Variants in SGCZ observed in about 807,000 individuals in gnomAD.
SGCZ encodes sarcoglycan zeta.
In SGCZ, 40 loss-of-function variants were observed where a neutral mutation model predicts 41.3. The ratio of observed to expected loss-of-function variants is 0.97; its 90% CI spans 0.75 to 1.26. The LOEUF is 1.26. Among genes scored for constraint, SGCZ ranks in the 50% most tolerant of loss-of-function variants. The pLI, the probability that SGCZ is intolerant of heterozygous loss-of-function variation, is 0.00. For missense variants in SGCZ, 552 were observed against 369.8 expected, an observed-to-expected ratio of 1.49 and a Z score of -4.04; for synonymous variants, 206 against 137.5, an observed-to-expected ratio of 1.50 and a Z score of -3.49.
intron 1 of SGCZ, among the ~76,000 whole-genome samples, chr8:15,209,533 G>A (rs1470055365): frequency 3.6e-5 from 2 of 54,934 alleles, no homozygotes; most frequent in East Asian, 4.9e-4. Context: ...AAATACCTAA[G>A]TATAAAAAGA....
chr8:14,586,073 G>A (rs1585101909), intron 1 of SGCZ, among the ~76,000 whole-genome samples: 1 of 152,152 alleles, frequency 6.6e-6, no homozygotes, highest in Non-Finnish European at 1.5e-5. Context: ...AAGGATAACG[G>A]ACTAGTTAAT....
intron 2 of SGCZ, among the ~76,000 whole-genome samples, chr8:14,543,604 C>T (rs942336741): frequency 6.6e-6 from 1 of 152,096 alleles, no homozygotes; most frequent in African/African-American, 2.4e-5. Flanking sequence ...TCAAGGCCAT[C>T]TTTAGGTTTG....
chr8:15,180,751 G>C (rs550510942), intron 1 of SGCZ, among the ~76,000 whole-genome samples: 2 of 141,104 alleles, frequency 1.4e-5, no homozygotes, highest in African/African-American at 4.9e-5. Flanking sequence ...GCCGGGCATG[G>C]TGGTGGGCGC....
chr8:14,679,190 A>G (rs1295612881), intron 1 of SGCZ, among the ~76,000 whole-genome samples: 1 of 152,160 alleles, frequency 6.6e-6, no homozygotes, highest in African/African-American at 2.4e-5. Flanking sequence ...ATAATACTTG[A>G]TAATGATAAA....
At chr8:14,814,789 G>C (rs1317464890) in intron 1 of SGCZ, among the ~76,000 whole-genome samples, 2 of 152,016 alleles carry the variant, frequency 1.3e-5, no homozygotes, top group African/African-American at 4.8e-5. Flanking sequence ...TCTTGAGCAA[G>C]GTATTATGAC....
chr8:14,310,203 A>G (rs566102243), intron 3 of SGCZ, among the ~76,000 whole-genome samples: 97 of 152,008 alleles, frequency 6.4e-4, no homozygotes, highest in African/African-American at 2.2e-3. Context: ...TTGTTTCCCT[A>G]TTTGATAGTA....
At chr8:14,343,611 C>G (rs576188805) in intron 2 of SGCZ, among the ~76,000 whole-genome samples, 9 of 152,154 alleles carry the variant, frequency 5.9e-5, no homozygotes, top group Admixed American at 5.2e-4. Flanking sequence ...TACTAGTGCT[C>G]AGTCAGGGGA....
At chr8:14,578,810 GTC>G (rs1224454452) in intron 1 of SGCZ, among the ~76,000 whole-genome samples, 1 of 152,124 alleles carries the variant, frequency 6.6e-6, no homozygotes, top group African/African-American at 2.4e-5. Context: ...TTAAGACATT[GTC>G]TCTCTGTTTA....
At chr8:14,683,334 A>G (rs1808507017) in intron 1 of SGCZ, among the ~76,000 whole-genome samples, 1 of 152,192 alleles carries the variant, frequency 6.6e-6, no homozygotes, top group Admixed American at 6.5e-5. Context: ...CGTTGAAATA[A>G]CACTTGTATA....
intron 3 of SGCZ, among the ~76,000 whole-genome samples, chr8:14,283,971 AC>A (rs1183062385): frequency 6.6e-6 from 1 of 152,082 alleles, no homozygotes; most frequent in African/African-American, 2.4e-5. Flanking sequence ...ATTTCTTTCA[AC>A]TTTTGTTTTA....
At chr8:14,245,178 C>T (rs1206848073) in intron 3 of SGCZ, among the ~76,000 whole-genome samples, 7 of 152,108 alleles carry the variant, frequency 4.6e-5, no homozygotes, top group Non-Finnish European at 1.0e-4. Flanking sequence ...TGGCAGTTTT[C>T]AAAGGGAATG....
At chr8:15,223,064 A>T (rs945182634) in intron 1 of SGCZ, among the ~76,000 whole-genome samples, 1 of 152,180 alleles carries the variant, frequency 6.6e-6, no homozygotes, top group African/African-American at 2.4e-5. Context: ...AGAGAATCTT[A>T]AATCATATTA....
intron 1 of SGCZ, among the ~76,000 whole-genome samples, chr8:14,680,207 G>A (rs28437397): frequency 0.2 from 30,157 of 151,974 alleles, 3,617 homozygotes; most frequent in East Asian, 0.44. Context: ...AGGGGGTAGA[G>A]ATAAACAGGC....
At chr8:15,006,010 T>G (rs965723274) in intron 1 of SGCZ, among the ~76,000 whole-genome samples, 6 of 152,238 alleles carry the variant, frequency 3.9e-5, no homozygotes, top group Non-Finnish European at 7.3e-5. Context: ...TGTTTGGTTC[T>G]GTTTTATTTA....
At chr8:14,778,164 G>A (rs534434674) in intron 1 of SGCZ, among the ~76,000 whole-genome samples, 2 of 152,158 alleles carry the variant, frequency 1.3e-5, no homozygotes, top group African/African-American at 2.4e-5. Flanking sequence ...CTGGCCTCAA[G>A]CGATCCTCCC....
At chr8:14,110,958 G>A (rs1282387678) in intron 5 of SGCZ, among the ~76,000 whole-genome samples, 1 of 152,058 alleles carries the variant, frequency 6.6e-6, no homozygotes, top group African/African-American at 2.4e-5. Context: ...GGAGGCTGAG[G>A]CAGGAGAATA....
chr8:15,006,620 A>T (rs1802613285), intron 1 of SGCZ, among the ~76,000 whole-genome samples: 1 of 152,222 alleles, frequency 6.6e-6, no homozygotes, highest in Non-Finnish European at 1.5e-5. Context: ...TAATAAATTT[A>T]CATTAAAAAT....
chr8:15,065,717 G>A (rs1324748165), intron 1 of SGCZ, among the ~76,000 whole-genome samples: 1 of 151,936 alleles, frequency 6.6e-6, no homozygotes, highest in African/African-American at 2.4e-5. Flanking sequence ...GGGATCACAG[G>A]TATACACACT....
At chr8:14,163,681 G>C (rs1395819636) in intron 5 of SGCZ, among the ~76,000 whole-genome samples, 1 of 152,060 alleles carries the variant, frequency 6.6e-6, no homozygotes, top group Non-Finnish European at 1.5e-5. Context: ...TATATGGAGA[G>C]GCAGAGGCAG....
Sources: allele counts gnomAD v4.1 joint callset (sites outside exome capture counted in the v4.1 genomes callset), GRCh38; gene constraint gnomAD v4.1.1; transcripts MANE v1.5; gene names NCBI Gene and HGNC (gene_info 2026-07-23, HGNC 2026-07-21).